Variants in KDM2A observed in about 807,000 individuals in gnomAD.
KDM2A encodes lysine-specific demethylase 2A.
KDM2A carries 3 observed loss-of-function variants against 137.3 expected under a neutral mutation model. The observed-to-expected ratio is 0.02, with a 90% confidence interval of 0.01 to 0.06. KDM2A has a LOEUF of 0.06. Ranked by LOEUF, KDM2A falls within the 10% of genes least tolerant of loss-of-function variation. The pLI, the probability that KDM2A is intolerant of heterozygous loss-of-function variation, is 1.00. For synonymous variants in KDM2A, 512 were observed against 541.5 expected, an observed-to-expected ratio of 0.95 and a Z score of 0.76; for missense variants, 738 against 1,510.6, an observed-to-expected ratio of 0.49 and a Z score of 8.48.
chr11:67,194,708 C>T (rs901026723), intron 5 of KDM2A, among the ~76,000 whole-genome samples: 3 of 152,166 alleles, frequency 2.0e-5, no homozygotes, highest in Non-Finnish European at 4.4e-5. Flanking sequence ...CAAGCTAGAC[C>T]ATCAGGAAGG....
At chr11:67,208,155 A>G (rs973763518) in intron 6 of KDM2A, among the ~76,000 whole-genome samples, 3 of 152,092 alleles carry the variant, frequency 2.0e-5, no homozygotes, top group Admixed American at 2.0e-4. Context: ...TTATAAAGAT[A>G]TATTGATATT....
At position 67,253,445 on chromosome 11, in the gene KDM2A, C is replaced by T; in HGVS notation, c.2933-8C>T. On this transcript the variant is annotated splice_region_variant and splice_polypyrimidine_tract_variant and intron_variant, in intron 18 of 20. Coordinates refer to ENST00000529006, the MANE Select transcript of KDM2A (RefSeq NM_012308.3). ...GTATTATTACATGTCTCATTCCATC[C>T]ATTGCAGGACTGAAAGACCTCCTCC... 1 of 1,611,918 alleles carries T rather than the reference C, an allele frequency of 6.2e-7. No individual in the cohort carries two copies. Among genetic ancestry groups the T allele is most frequent in the Non-Finnish European group, 8.5e-7 (1 of 1,178,224 alleles).
At chr11:67,204,280 C>T (rs867501734) in intron 5 of KDM2A, among the ~76,000 whole-genome samples, 18 of 152,024 alleles carry the variant, frequency 1.2e-4, no homozygotes, top group South Asian at 4.1e-4. Flanking sequence ...CAGTGTGCAA[C>T]CATCACCACT....
intron 2 of KDM2A, among the ~76,000 whole-genome samples, chr11:67,130,785 C>T (rs1458107380): frequency 1.3e-5 from 2 of 151,900 alleles, no homozygotes; most frequent in Admixed American, 1.3e-4. Flanking sequence ...AGATAGTAGG[C>T]TAGGTTCTTT....
At chr11:67,241,504 A>G (rs983371110) in intron 12 of KDM2A, among the ~76,000 whole-genome samples, 15 of 149,968 alleles carry the variant, frequency 1.0e-4, no homozygotes, top group Non-Finnish European at 7.4e-5. Flanking sequence ...AAAATACATA[A>G]AAGTCCTGGT....
chr11:67,193,042 T>C (rs555619331), intron 5 of KDM2A, among the ~76,000 whole-genome samples: 13 of 152,150 alleles, frequency 8.5e-5, no homozygotes, highest in Admixed American at 2.6e-4. Context: ...CAGTCTGGAG[T>C]GCAGTGCCGC....
chr11:67,216,932 A>C (rs1015211809), intron 8 of KDM2A, among the ~76,000 whole-genome samples: 3 of 151,428 alleles, frequency 2.0e-5, no homozygotes, highest in East Asian at 3.9e-4. Flanking sequence ...AAAAAGAAAC[A>C]AACAACAACA....
chr11:67,199,916 G>T (rs907518005), intron 5 of KDM2A, among the ~76,000 whole-genome samples: 1 of 152,134 alleles, frequency 6.6e-6, no homozygotes, highest in Non-Finnish European at 1.5e-5. Context: ...CTTGTTAGGG[G>T]CTAATGCAGC....
At chr11:67,158,568 G>A (rs1856570456) in intron 2 of KDM2A, among the ~76,000 whole-genome samples, 1 of 152,162 alleles carries the variant, frequency 6.6e-6, no homozygotes, top group South Asian at 2.1e-4. Flanking sequence ...GCCAGCATTT[G>A]GTGTTGTATT....
At position 67,245,091 on chromosome 11, in the gene KDM2A, G is replaced by C; in HGVS notation, c.1564-98G>C. 2 of 1,392,544 alleles carry C rather than the reference G, an allele frequency of 1.4e-6. No individual in the cohort carries two copies. The highest frequency in any genetic ancestry group is 2.0e-6 in the Non-Finnish European group (2 of 1,016,760). The allele number at this position is 1,392,544 out of a possible 1,614,324, so 86.3% of individuals were successfully genotyped here. The stretch of plus-strand genomic sequence containing the variant: ...GCAGTGGGCAGATCTGGCCATAGTG[G>C]GCCAAGCCCCAGGCTAGGTATGCTA... On this transcript the variant is annotated intron_variant, in intron 13 of 20. Coordinates refer to ENST00000529006, the MANE Select transcript of KDM2A (RefSeq NM_012308.3). The surrounding 1 kb of genome is among the most constrained non-coding windows in gnomAD (Gnocchi z 4.1).
chr11:67,151,581 C>A (rs1856391709), intron 2 of KDM2A, among the ~76,000 whole-genome samples: 1 of 151,962 alleles, frequency 6.6e-6, no homozygotes, highest in African/African-American at 2.4e-5. Context: ...GAACTCCTGA[C>A]CTCAGGTGAT....
intron 18 of KDM2A, among the ~76,000 whole-genome samples, 160 bp from the exon 19 acceptor site, chr11:67,253,293 A>G (rs1012014845): frequency 6.6e-6 from 1 of 152,232 alleles, no homozygotes; most frequent in Non-Finnish European, 1.5e-5. Context: ...AAGATGTAGT[A>G]TAGGATACCA....
At position 67,140,231 on chromosome 11, in the gene KDM2A, T is replaced by C. The variant is rs373406719; in HGVS notation, c.42+18873T>C. On this transcript the variant is annotated intron_variant, in intron 2 of 20. Coordinates refer to ENST00000529006, the MANE Select transcript of KDM2A (RefSeq NM_012308.3). ...AAATACAAAAATTAGCTGGCTGTCATGGCGTGTACCTCTAGTCCCAGGTAA... is the reference window on the plus strand; with the variant it reads ...AAATACAAAAATTAGCTGGCTGTCACGGCGTGTACCTCTAGTCCCAGGTAA... Among the ~76,000 whole-genome samples the C allele has an allele frequency of 5.3e-5, 8 of 152,074 alleles. No individual in the cohort carries two copies. In the East Asian group the frequency reaches 1.5e-3, roughly 29 times the overall value.
At chr11:67,207,733 G>T in intron 6 of KDM2A, 45 bp downstream of exon 6, 16 of 1,460,940 alleles carry the variant, frequency 1.1e-5, no homozygotes, top group Non-Finnish European at 1.4e-5. Context: ...CACCAAAAGG[G>T]TTGTTTTCGG....
chr11:67,124,918 C>T (rs1184176173), intron 2 of KDM2A, among the ~76,000 whole-genome samples: 1 of 150,122 alleles, frequency 6.7e-6, no homozygotes, highest in Non-Finnish European at 1.5e-5. Context: ...AGTGCAGTGG[C>T]TCGATCTTGG....
At chr11:67,160,357 A>G (rs1333047905) in intron 2 of KDM2A, among the ~76,000 whole-genome samples, 1 of 152,132 alleles carries the variant, frequency 6.6e-6, no homozygotes, top group African/African-American at 2.4e-5. Flanking sequence ...AGCTTGAACC[A>G]TTGTCTGAAT....
At chr11:67,123,015 G>A (rs1321656598) in intron 2 of KDM2A, among the ~76,000 whole-genome samples, 1 of 151,968 alleles carries the variant, frequency 6.6e-6, no homozygotes, top group Non-Finnish European at 1.5e-5. Flanking sequence ...GCTCTGCCCA[G>A]GGTGACGTTC....
At chr11:67,214,224 A>G (rs374232204) in intron 6 of KDM2A, among the ~76,000 whole-genome samples, 5 of 3,436 alleles carry the variant, frequency 1.5e-3, no homozygotes, top group Non-Finnish European at 4.4e-3. Context: ...TTTTTTTTTG[A>G]GACGGAGTCT....
chr11:67,226,716 C>T (rs1488474826), intron 10 of KDM2A, among the ~76,000 whole-genome samples: 6 of 152,004 alleles, frequency 3.9e-5, no homozygotes, highest in Non-Finnish European at 7.4e-5. Flanking sequence ...AGCAAGACTC[C>T]GTCTCAAAAA....
Sources: gnomAD v4.1 joint callset for allele counts (sites outside exome capture counted in the v4.1 genomes callset) on GRCh38, gnomAD v4.1.1 for gene constraint, Gnocchi (gnomAD v3.1) non-coding constraint, MANE v1.5 for transcripts, NCBI Gene and HGNC (gene_info 2026-07-23, HGNC 2026-07-21) for gene names.